The following BMP6 variants were observed in gnomAD, a reference collection of about 807,000 sequenced individuals.
The protein encoded by BMP6 is VG-1-R.
Under a neutral mutation model 54.1 loss-of-function variants are expected in BMP6, and 17 were observed. The observed-to-expected ratio is 0.31, with a 90% CI of 0.22 to 0.47. The LOEUF is 0.47. Ranked by LOEUF, BMP6 falls within the 20% of genes least tolerant of loss-of-function variation. The pLI, the probability that BMP6 is intolerant of heterozygous loss-of-function variation, is 1.00. For missense variants in BMP6, 720 were observed against 690.4 expected, an observed-to-expected ratio of 1.04 and a Z score of -0.48; for synonymous variants, 328 against 291.2, an observed-to-expected ratio of 1.13 and a Z score of -1.28.
chr6:7,833,344 G>T (rs1758820672), intron 1 of BMP6, among the ~76,000 whole-genome samples: 1 of 152,152 alleles, frequency 6.6e-6, no homozygotes, highest in Admixed American at 6.5e-5. Context: ...GGACAGTATA[G>T]TTCTAGAAAG....
Position 7,804,699 on chromosome 6 carries a change from A to G in BMP6, c.665-40441A>G, listed in dbSNP as rs74639517. Reference sequence around the variant, plus strand: ...ACAGTGCTGGGTTTGAAGAATACACAGATAAAAATATGCTCGGTCCCTTCA... The same window carrying G: ...ACAGTGCTGGGTTTGAAGAATACACGGATAAAAATATGCTCGGTCCCTTCA... On this transcript the variant is annotated intron_variant, in intron 1 of 6. Coordinates refer to ENST00000283147, the MANE Select transcript of BMP6 (RefSeq NM_001718.6). Among the ~76,000 whole-genome samples, 491 of 152,366 alleles carry G rather than the reference A, an allele frequency of 3.2e-3. 8 individuals are homozygous for G. In the East Asian group the frequency reaches 0.036, roughly 11 times the overall value.
At chr6:7,804,333 A>G (rs1758315028) in intron 1 of BMP6, among the ~76,000 whole-genome samples, 1 of 151,748 alleles carries the variant, frequency 6.6e-6, no homozygotes, top group Non-Finnish European at 1.5e-5. Context: ...TTTAAAAATT[A>G]CCTCCTCTTC....
intron 1 of BMP6, among the ~76,000 whole-genome samples, chr6:7,841,416 A>G (rs1343573489): frequency 6.6e-6 from 1 of 152,224 alleles, no homozygotes; most frequent in East Asian, 1.9e-4. Context: ...ATATAGCTTG[A>G]ATTGCTGCGC....
At chr6:7,873,849 G>T (rs1759566381) in intron 4 of BMP6, among the ~76,000 whole-genome samples, 1 of 152,076 alleles carries the variant, frequency 6.6e-6, no homozygotes, top group Admixed American at 6.5e-5. Context: ...AAAGTTGTTT[G>T]TAGAAATCTT....
At chr6:7,786,447 CCTT>C (rs1239898146) in intron 1 of BMP6, among the ~76,000 whole-genome samples, 1 of 142,340 alleles carries the variant, frequency 7.0e-6, no homozygotes, top group Non-Finnish European at 1.5e-5. Flanking sequence ...GCTGCTTTTC[CCTT>C]CTTTAGTCTG....
intron 2 of BMP6, among the ~76,000 whole-genome samples, chr6:7,856,143 A>AAAAAG (rs66742165): frequency 6.6e-6 from 1 of 150,712 alleles, no homozygotes; most frequent in Non-Finnish European, 1.5e-5. Flanking sequence ...AAAAAAAAAA[A>AAAAAG]ATGCAAGTGT....
intron 1 of BMP6, among the ~76,000 whole-genome samples, chr6:7,822,879 C>T (rs1378582067): frequency 7.0e-6 from 1 of 142,312 alleles, no homozygotes; most frequent in Non-Finnish European, 1.5e-5. Flanking sequence ...CCCCATGCTA[C>T]AGTAGGATTG....
chr6:7,800,079 GGTGTGTGTGTGTGT>G lies in BMP6; in HGVS notation c.665-45031_665-45018del, dbSNP rs72469855. On this transcript the variant is annotated intron_variant, in intron 1 of 6. Coordinates refer to ENST00000283147, the MANE Select transcript of BMP6 (RefSeq NM_001718.6). ...TGAGTGTTATTACGATAAAGGAAGG[GGTGTGTGTGTGTGT>G]GTGTGTGTGTGTGTGTGTGTGTGTG... is the stretch of plus-strand genomic sequence containing the variant. 9.5e-4 allele frequency among the ~76,000 whole-genome samples: 138 copies of G among 145,160 alleles called. 2 individuals are homozygous for G. In the South Asian group the frequency reaches 0.017, roughly 18 times the overall value.
At chr6:7,738,579 T>C (rs1215978171) in intron 1 of BMP6, among the ~76,000 whole-genome samples, 1 of 152,192 alleles carries the variant, frequency 6.6e-6, no homozygotes, top group Non-Finnish European at 1.5e-5. Flanking sequence ...TGTAAACTCT[T>C]GCAGAAGGTT....
chr6:7,750,379 GAGGAAACGATAA>G (rs1229879641), intron 1 of BMP6, among the ~76,000 whole-genome samples: 3 of 152,196 alleles, frequency 2.0e-5, no homozygotes, highest in Non-Finnish European at 4.4e-5. Flanking sequence ...GAGTATCAAT[GAGGAAACGATAA>G]GGGCAGGATG....
intron 1 of BMP6, among the ~76,000 whole-genome samples, chr6:7,831,861 T>C (rs1758798818): frequency 6.6e-6 from 1 of 152,176 alleles, no homozygotes; most frequent in South Asian, 2.1e-4. Context: ...TGCCTCCTTA[T>C]GCCCATGGAG....
chr6:7,749,719 C>T (rs935725239), intron 1 of BMP6, among the ~76,000 whole-genome samples: 3 of 152,094 alleles, frequency 2.0e-5, no homozygotes, highest in African/African-American at 4.8e-5. Flanking sequence ...GACGGGACAC[C>T]GTGACATTGC....
chr6:7,879,958 C>T, intron 5 of BMP6, 33 bp from the exon 6 acceptor site: 1 of 1,589,320 alleles, frequency 6.3e-7, no homozygotes, highest in Non-Finnish European at 8.6e-7. Context: ...AGTGCATGCT[C>T]ATCTTTTGTT....
chr6:7,786,667 C>A (rs1758024852), intron 1 of BMP6, among the ~76,000 whole-genome samples: 1 of 152,092 alleles, frequency 6.6e-6, no homozygotes, highest in Admixed American at 6.5e-5. Context: ...TAGATTCAAT[C>A]AGCCTAGAAC....
At chr6:7,831,707 C>T (rs1279032724) in intron 1 of BMP6, among the ~76,000 whole-genome samples, 1 of 152,244 alleles carries the variant, frequency 6.6e-6, no homozygotes, top group East Asian at 1.9e-4. Context: ...GTATTCTGGG[C>T]CAATAGTGCT....
chr6:7,767,308 T>C (rs1233561627), intron 1 of BMP6, among the ~76,000 whole-genome samples: 2 of 152,234 alleles, frequency 1.3e-5, no homozygotes, highest in Non-Finnish European at 2.9e-5. Context: ...TTTATGCTTA[T>C]TGTGCTTTTT....
chr6:7,868,005 C>T (rs550683252), intron 4 of BMP6, among the ~76,000 whole-genome samples: 1 of 152,266 alleles, frequency 6.6e-6, no homozygotes, highest in Admixed American at 6.5e-5. Flanking sequence ...CATTGCCAAC[C>T]CTGGGAGGGC....
At chr6:7,846,504 T>C (rs1759066491) in intron 2 of BMP6, among the ~76,000 whole-genome samples, 1 of 152,244 alleles carries the variant, frequency 6.6e-6, no homozygotes, top group South Asian at 2.1e-4. Flanking sequence ...TATTTAGGTC[T>C]GTAATGGGGA....
At chr6:7,813,398 G>T (rs1429684514) in intron 1 of BMP6, among the ~76,000 whole-genome samples, 1 of 130,180 alleles carries the variant, frequency 7.7e-6, no homozygotes, top group African/African-American at 3.0e-5. Flanking sequence ...AAGGCAAGAG[G>T]TTGCTTAACC....
Sources: gnomAD v4.1 joint callset for allele counts (sites outside exome capture counted in the v4.1 genomes callset) on GRCh38, gnomAD v4.1.1 for gene constraint, MANE v1.5 for transcripts, NCBI Gene and HGNC (gene_info 2026-07-23, HGNC 2026-07-21) for gene names.